The following RAP1A variants were observed in gnomAD, a reference collection of about 807,000 sequenced individuals.
RAP1A encodes ras-related protein Rap-1A.
In RAP1A, 6 loss-of-function variants were observed where a neutral mutation model predicts 26.4. That is an observed-to-expected ratio of 0.23 (90% confidence interval 0.12 to 0.45). The LOEUF is 0.45. Ranked by LOEUF, RAP1A falls within the 20% of genes least tolerant of loss-of-function variation. RAP1A has a pLI of 0.99. For synonymous variants in RAP1A, 73 were observed against 79.4 expected, an observed-to-expected ratio of 0.92 and a Z score of 0.43; for missense variants, 121 against 217.2, an observed-to-expected ratio of 0.56 and a Z score of 2.78.
chr1:111,680,619 A>G (rs1273667693), intron 1 of RAP1A: 1 of 152,768 alleles, frequency 6.5e-6, no homozygotes, highest in African/African-American at 2.4e-5. Context: ...CAGACGCCTC[A>G]TACAGGAGAG....
At chr1:111,701,556 C>T (rs1289303679) in intron 4 of RAP1A, among the ~76,000 whole-genome samples, 1 of 152,166 alleles carries the variant, frequency 6.6e-6, no homozygotes, top group Non-Finnish European at 1.5e-5. Context: ...ACTAACATAT[C>T]CATAGGGCTA....
At chr1:111,706,282 A>G (rs1571576869) in intron 6 of RAP1A, among the ~76,000 whole-genome samples, 1 of 152,230 alleles carries the variant, frequency 6.6e-6, no homozygotes, top group East Asian at 1.9e-4. Context: ...ATCCAGCTAC[A>G]GGATTTCTTT....
intron 1 of RAP1A, among the ~76,000 whole-genome samples, chr1:111,671,618 G>A (rs1230525496): frequency 2.6e-5 from 4 of 152,074 alleles, no homozygotes; most frequent in African/African-American, 9.7e-5. Flanking sequence ...GGGATTACAG[G>A]CACATGCCAC....
intron 1 of RAP1A, among the ~76,000 whole-genome samples, chr1:111,650,889 C>CCT (rs1660247188): frequency 6.6e-6 from 1 of 152,076 alleles, no homozygotes; most frequent in Non-Finnish European, 1.5e-5. Context: ...GCAACCTCCG[C>CCT]CTCCCAGGTT....
intron 1 of RAP1A, among the ~76,000 whole-genome samples, chr1:111,642,272 A>G (rs1659914429): frequency 6.6e-6 from 1 of 152,154 alleles, no homozygotes. Flanking sequence ...TTAAATTAAA[A>G]TAAAGGGACA....
In RAP1A at chr1:111,691,222, G is replaced by T. The variant is rs1225910536; in HGVS notation, c.-27-112G>T. On this transcript the variant is annotated intron_variant, in intron 1 of 7. Transcript: ENST00000369709. The stretch of plus-strand genomic sequence containing the variant: ...GCCATGTAGCTTCTGTTGTCCCTTT[G>T]ATAGTCTTACAAGGAAAAAAACAAA... 43 of 566,770 alleles carry T rather than the reference G, an allele frequency of 7.6e-5. No homozygotes were observed. In the East Asian group the frequency reaches 1.4e-3, roughly 18 times the overall value. 35.1% of individuals were successfully genotyped at this position (566,770 alleles called of 1,614,324 possible).
intron 1 of RAP1A, among the ~76,000 whole-genome samples, chr1:111,604,099 C>T (rs1012084491): frequency 6.6e-6 from 1 of 152,124 alleles, no homozygotes; most frequent in Non-Finnish European, 1.5e-5. Flanking sequence ...AGAGGAGCAA[C>T]GTGAATGCGG....
At chr1:111,551,938 GT>G (rs1280329503) in intron 1 of RAP1A, among the ~76,000 whole-genome samples, 1 of 152,192 alleles carries the variant, frequency 6.6e-6, no homozygotes, top group African/African-American at 2.4e-5. Context: ...CATGTGAACA[GT>G]TCTCGGCATG....
rs927693217 is a variant in RAP1A at position 111,633,580 on chromosome 1, T to C, written c.-28+13646T>C. 2.0e-4 allele frequency among the ~76,000 whole-genome samples: 31 copies of C among 152,236 alleles called. 1 individual carries two copies. Among genetic ancestry groups the C allele is most frequent in the African/African-American group, 2.4e-5 (1 of 41,466 alleles). On this transcript the variant is annotated intron_variant, in intron 1 of 7. Coordinates refer to ENST00000369709, the MANE Select transcript of RAP1A (RefSeq NM_002884.4). ...TCAACTGGTAAGAAGCCTGGGACTTTAGTATCTCGAAATTGGTCAAATAGT... is the reference window on the plus strand; with the variant it reads ...TCAACTGGTAAGAAGCCTGGGACTTCAGTATCTCGAAATTGGTCAAATAGT...
At chr1:111,691,006 CTT>C (rs1346776326) in intron 1 of RAP1A, among the ~76,000 whole-genome samples, 1 of 152,134 alleles carries the variant, frequency 6.6e-6, no homozygotes, top group African/African-American at 2.4e-5. Flanking sequence ...TAAATGATAG[CTT>C]TGCAAAGAAT....
At chr1:111,602,188 C>A (rs2101072964) in intron 1 of RAP1A, 2 of 152,292 alleles carry the variant, frequency 1.3e-5, no homozygotes, top group African/African-American at 4.8e-5. Flanking sequence ...AAGACAGTAC[C>A]CACCTGTGGT....
intron 1 of RAP1A, among the ~76,000 whole-genome samples, chr1:111,603,580 T>G (rs1658712033): frequency 6.6e-6 from 1 of 152,170 alleles, no homozygotes; most frequent in South Asian, 2.1e-4. Flanking sequence ...AAGTAGAAAA[T>G]TTTAGGTAAC....
At chr1:111,704,585 T>C (rs1239543220) in intron 6 of RAP1A, 99 bp downstream of exon 6, 18 of 1,237,172 alleles carry the variant, frequency 1.5e-5, no homozygotes, top group South Asian at 5.6e-5. Flanking sequence ...TTTTAAGCAA[T>C]CTTGATTCCA....
At chr1:111,595,851 G>A (rs771450708) in intron 1 of RAP1A, among the ~76,000 whole-genome samples, 4 of 151,558 alleles carry the variant, frequency 2.6e-5, no homozygotes, top group Admixed American at 6.6e-5. Context: ...TATAGTTCCC[G>A]AGCATAGTAA....
chr1:111,667,350 A>G (rs759171934), intron 1 of RAP1A, among the ~76,000 whole-genome samples: 9 of 152,186 alleles, frequency 5.9e-5, no homozygotes, highest in Non-Finnish European at 1.2e-4. Context: ...TAATATTCAT[A>G]ATTTTATGTT....
At chr1:111,577,682 T>A (rs1209851746) in intron 1 of RAP1A, among the ~76,000 whole-genome samples, 1 of 152,082 alleles carries the variant, frequency 6.6e-6, no homozygotes, top group African/African-American at 2.4e-5. Context: ...CTCTCTGAAG[T>A]CTCAATTTCC....
chr1:111,608,959 T>C (rs1440011391), intron 1 of RAP1A, among the ~76,000 whole-genome samples: 1 of 152,268 alleles, frequency 6.6e-6, no homozygotes, highest in African/African-American at 2.4e-5. Context: ...CCTCTTGCAC[T>C]AGACTTACAG....
chr1:111,626,835 C>T (rs1659416299), intron 1 of RAP1A, among the ~76,000 whole-genome samples: 1 of 152,138 alleles, frequency 6.6e-6, no homozygotes, highest in South Asian at 2.1e-4. Context: ...GATTCTTTCT[C>T]TTGGAACATT....
intron 1 of RAP1A, among the ~76,000 whole-genome samples, chr1:111,642,072 C>T (rs1659906954): frequency 6.6e-6 from 1 of 152,116 alleles, no homozygotes; most frequent in South Asian, 2.1e-4. Flanking sequence ...TGAAGAAACC[C>T]TGTCTCTACT....
Sources: gnomAD v4.1 joint callset for allele counts (sites outside exome capture counted in the v4.1 genomes callset) on GRCh38, gnomAD v4.1.1 for gene constraint, MANE v1.5 for transcripts, NCBI Gene and HGNC (gene_info 2026-07-23, HGNC 2026-07-21) for gene names.